The following EIF4G3 variants were observed in gnomAD, a reference collection of about 807,000 sequenced individuals.
EIF4G3 encodes the protein eIF-4-gamma 3.
A neutral mutation model predicts 186.4 loss-of-function variants in EIF4G3; 34 were observed. The ratio of observed to expected loss-of-function variants is 0.18; its 90% confidence interval spans 0.14 to 0.24. The LOEUF (loss-of-function observed/expected upper bound fraction) is 0.24, where lower values mean the gene tolerates loss of function less well. Ranked by LOEUF, EIF4G3 falls within the 10% of genes least tolerant of loss-of-function variation. The pLI is 1.00. For missense variants in EIF4G3, 1,536 were observed against 1,948.5 expected (o/e 0.79, Z 3.99); for synonymous variants, 673 against 679.5 (o/e 0.99, Z 0.15).
intron 4 of EIF4G3, among the ~76,000 whole-genome samples, chr1:21,021,442 A>G (rs1557558046): frequency 6.6e-6 from 1 of 152,226 alleles, no homozygotes; most frequent in Non-Finnish European, 1.5e-5. Flanking sequence ...TGAGCAGATT[A>G]TGATTATTAT....
chr1:21,164,944 A>C (rs1441590039), intron 2 of EIF4G3, among the ~76,000 whole-genome samples: 1 of 152,196 alleles, frequency 6.6e-6, no homozygotes, highest in Non-Finnish European at 1.5e-5. Flanking sequence ...AGAATATATA[A>C]AGAACTCTTA....
At chr1:20,953,860 A>G (rs952745975) in intron 12 of EIF4G3, among the ~76,000 whole-genome samples, 1 of 152,200 alleles carries the variant, frequency 6.6e-6, no homozygotes, top group African/African-American at 2.4e-5. Flanking sequence ...AAAATTATAT[A>G]AAATTCAAAT....
At chr1:20,833,609 G>A (rs2065914635) in intron 30 of EIF4G3, among the ~76,000 whole-genome samples, 2 of 152,102 alleles carry the variant, frequency 1.3e-5, no homozygotes, top group Non-Finnish European at 2.9e-5. Context: ...TCCTTCTCCT[G>A]CCTAATTGCC....
intron 4 of EIF4G3, among the ~76,000 whole-genome samples, chr1:21,021,377 G>C (rs1294632447): frequency 6.6e-6 from 1 of 152,084 alleles, no homozygotes; most frequent in Non-Finnish European, 1.5e-5. Context: ...CTGAGAGCAA[G>C]AATACTCAAA....
chr1:20,841,159 TAA>T (rs1002545432), intron 29 of EIF4G3, 131 bp from the exon 30 acceptor site: 10 of 843,890 alleles, frequency 1.2e-5, no homozygotes, highest in African/African-American at 5.1e-5. Context: ...TTTTCAAATA[TAA>T]GTTTATATTT....
chr1:21,107,364 G>A (rs1170849826), intron 2 of EIF4G3, among the ~76,000 whole-genome samples: 2 of 151,616 alleles, frequency 1.3e-5, no homozygotes, highest in African/African-American at 4.8e-5. Context: ...TTTTAGTAAA[G>A]ACTGGCCATG....
intron 2 of EIF4G3, among the ~76,000 whole-genome samples, chr1:21,170,916 A>G (rs1419015625): frequency 6.6e-6 from 1 of 151,942 alleles, no homozygotes; most frequent in Non-Finnish European, 1.5e-5. Context: ...TGAACCCAGG[A>G]AGCAGAGGTT....
intron 14 of EIF4G3, among the ~76,000 whole-genome samples, chr1:20,914,926 G>C (rs566789363): frequency 4.3e-4 from 66 of 152,308 alleles, no homozygotes; most frequent in African/African-American, 1.5e-3. Context: ...ATTAAATCAA[G>C]TTGGCTGACT....
chr1:20,946,751 T>G (rs899562654), intron 13 of EIF4G3, among the ~76,000 whole-genome samples: 1 of 152,140 alleles, frequency 6.6e-6, no homozygotes, highest in Non-Finnish European at 1.5e-5. Context: ...CAAAGTCATA[T>G]AAGTAGCAAG....
chr1:21,047,756 C>A (rs1472899397), intron 4 of EIF4G3, among the ~76,000 whole-genome samples: 1 of 152,152 alleles, frequency 6.6e-6, no homozygotes, highest in Non-Finnish European at 1.5e-5. Flanking sequence ...AGAAGGGAAG[C>A]TTTGCATCTG....
At chr1:20,887,258 G>A (rs1461860561) in intron 18 of EIF4G3, among the ~76,000 whole-genome samples, 1 of 151,248 alleles carries the variant, frequency 6.6e-6, no homozygotes, top group Non-Finnish European at 1.5e-5. Context: ...TGAAGGGCTA[G>A]CCATTAGATT....
intron 36 of EIF4G3, among the ~76,000 whole-genome samples, chr1:20,809,947 A>T (rs955127644): frequency 1.3e-5 from 2 of 152,024 alleles, no homozygotes; most frequent in Admixed American, 6.6e-5. Context: ...TCTTGTTGTG[A>T]TATTTTCATA....
At chr1:20,963,390 T>C (rs2073881489) in intron 12 of EIF4G3, among the ~76,000 whole-genome samples, 1 of 152,106 alleles carries the variant, frequency 6.6e-6, no homozygotes, top group South Asian at 2.1e-4. Context: ...TAATAAATGG[T>C]CATGGAATTT....
chr1:20,808,918 G>T (rs2058678138), intron 36 of EIF4G3, among the ~76,000 whole-genome samples: 1 of 152,006 alleles, frequency 6.6e-6, no homozygotes, highest in South Asian at 2.1e-4. Context: ...ATTAATGGAG[G>T]GAGGCAGTGG....
chr1:21,109,153 G>A (rs2096670847), intron 2 of EIF4G3, among the ~76,000 whole-genome samples: 1 of 152,160 alleles, frequency 6.6e-6, no homozygotes, highest in Non-Finnish European at 1.5e-5. Flanking sequence ...GGCAGACAGA[G>A]GTTGCAGTGA....
chr1:20,939,565 G>A (rs113899612), intron 14 of EIF4G3, among the ~76,000 whole-genome samples: 165 of 152,312 alleles, frequency 1.1e-3, no homozygotes, highest in African/African-American at 3.9e-3. Flanking sequence ...TGTCAGAAAT[G>A]AGTGAAGTAT....
chr1:21,172,796 C>T (rs191409490), intron 2 of EIF4G3, among the ~76,000 whole-genome samples: 6 of 151,146 alleles, frequency 4.0e-5, no homozygotes, highest in African/African-American at 1.5e-4. Context: ...GATCTGCCCA[C>T]CTCGGCCTCC....
chr1:21,011,621 A>T (rs2087122621), intron 4 of EIF4G3, among the ~76,000 whole-genome samples: 1 of 152,230 alleles, frequency 6.6e-6, no homozygotes, highest in East Asian at 1.9e-4. Flanking sequence ...TTCCTTGACA[A>T]GGATCTGTGG....
At chr1:20,832,238 GTTC>G (rs1470355910) in intron 30 of EIF4G3, among the ~76,000 whole-genome samples, 1 of 140,644 alleles carries the variant, frequency 7.1e-6, no homozygotes, top group African/African-American at 2.6e-5. Context: ...GTGTAAAAGT[GTTC>G]TTATTTCTCC....
Sources: gnomAD v4.1 joint callset for allele counts (sites outside exome capture counted in the v4.1 genomes callset) on GRCh38, gnomAD v4.1.1 for gene constraint, MANE v1.5 for transcripts, NCBI Gene and HGNC (gene_info 2026-07-23, HGNC 2026-07-21) for gene names.